Variants in PIGS observed in about 807,000 individuals in gnomAD.
PIGS encodes GPI-anchor transamidase component PIGS.
In PIGS, 37 loss-of-function variants were observed where a neutral mutation model predicts 58.2. The ratio of observed to expected loss-of-function variants is 0.64; its 90% CI spans 0.49 to 0.84. The LOEUF (loss-of-function observed/expected upper bound fraction) is 0.84. Ranked by LOEUF, PIGS falls within the 40% of genes least tolerant of loss-of-function variation. PIGS has a pLI of 0.00. For synonymous variants in PIGS, 269 were observed against 289.2 expected, an observed-to-expected ratio of 0.93 and a Z score of 0.71; for missense variants, 629 against 710.8, an observed-to-expected ratio of 0.88 and a Z score of 1.31.
In PIGS at chr17:28,571,092, G is replaced by C; in HGVS notation, c.131C>G (p.Ala44Gly). The C allele has an allele frequency of 6.2e-7, 1 of 1,614,106 alleles. No individual in the cohort carries two copies. Residue 44 changes from alanine to glycine, a missense_variant, in exon 2 of 12, where the codon GCC (alanine) becomes GGC (glycine). By Grantham distance (60) the Ala-to-Gly change is moderately conservative. Transcript: ENST00000308360. Reference protein sequence around the residue: ...LWWKTTETYRASLPYSQISGL... With the variant: ...LWWKTTETYRGSLPYSQISGL... ...ACTGATCTGGGAGTAAGGCAACGAG[G>C]CCCGGTAGGTCTCCGTGGTCTTCCA... is the stretch of plus-strand genomic sequence containing the variant.
intron 3 of PIGS, among the ~76,000 whole-genome samples, chr17:28,568,351 C>T (rs2070405625): frequency 6.6e-6 from 1 of 152,182 alleles, no homozygotes; most frequent in Admixed American, 6.5e-5. Flanking sequence ...GATCTGCCTG[C>T]CTCGGCCTCC....
chr17:28,569,657 G>A (rs542216647), intron 3 of PIGS, among the ~76,000 whole-genome samples: 3 of 152,014 alleles, frequency 2.0e-5, no homozygotes, highest in East Asian at 3.9e-4. Context: ...GATTCACCCC[G>A]CCACACTTTC....
chr17:28,569,910 T>C (rs1002476740), intron 3 of PIGS, among the ~76,000 whole-genome samples: 4 of 152,222 alleles, frequency 2.6e-5, no homozygotes, highest in Non-Finnish European at 5.9e-5. Context: ...GCTATCCTTA[T>C]ACTGTCTCAT....
chr17:28,568,700 T>C (rs1218750431), intron 3 of PIGS, among the ~76,000 whole-genome samples: 1 of 152,242 alleles, frequency 6.6e-6, no homozygotes, highest in Admixed American at 6.5e-5. Context: ...TATACCCATA[T>C]TACTGAACAC....
At chr17:28,557,064 G>A (rs2070335109) in intron 8 of PIGS, 92 bp from the exon 9 acceptor site, 1 of 1,371,306 alleles carries the variant, frequency 7.3e-7, no homozygotes. Flanking sequence ...ACTCACTCTG[G>A]GACTGATTCC....
chr17:28,561,799 T>G, intron 5 of PIGS, 170 bp from the exon 6 acceptor site: 1 of 635,434 alleles, frequency 1.6e-6, no homozygotes, highest in South Asian at 2.1e-5. Flanking sequence ...GAGTATATAT[T>G]GAGTATTTTC....
chr17:28,571,501 G>T lies in PIGS; in HGVS notation c.-5C>A. The T allele has an allele frequency of 6.2e-7, 1 of 1,604,108 alleles. No homozygotes were observed. Among genetic ancestry groups the T allele is most frequent in the East Asian group, 2.3e-5 (1 of 44,406 alleles). ...CGCAGCCCCGGCGGCCGCCATGCTA[G>T]CTTCCGGCTGCTCCGGCCACCGTGG... On this transcript the variant is annotated 5_prime_UTR_variant, in exon 1 of 12. Transcript: ENST00000308360.
chr17:28,567,778 A>C (rs975186803), intron 3 of PIGS, among the ~76,000 whole-genome samples: 2 of 152,128 alleles, frequency 1.3e-5, no homozygotes, highest in Non-Finnish European at 1.5e-5. Context: ...TTCTGGTTTT[A>C]TTTCATTTCC....
chr17:28,555,229 A>T, intron 10 of PIGS, 168 bp from the exon 11 acceptor site: 1 of 607,670 alleles, frequency 1.6e-6, no homozygotes, highest in Non-Finnish European at 2.8e-6. Flanking sequence ...GGGCAACACC[A>T]AACAAGTTGG....
chr17:28,568,355 G>A (rs1024476665), intron 3 of PIGS, among the ~76,000 whole-genome samples: 4 of 151,968 alleles, frequency 2.6e-5, no homozygotes, highest in Non-Finnish European at 4.4e-5. Context: ...TGCCTGCCTC[G>A]GCCTCCCAAA....
At position 28,558,558 on chromosome 17, in the gene PIGS, G is replaced by A. The variant is rs778518972; in HGVS notation, c.852C>T (p.Pro284=). The part of the protein sequence containing the change: ...ILYYAMLGVN[P]RFDSASSSYY... ...AGCTGGAGGAAGCTGAGTCAAAGCG[G>A]GGATTCACCCCCAACATTGCATAGT... Residue 284 remains proline (P), a synonymous_variant, in exon 8 of 12, where the codon CCC becomes CCT. Transcript: ENST00000308360. 12 of 1,612,846 alleles carry A rather than the reference G, an allele frequency of 7.4e-6. No individual in the cohort carries two copies. The highest frequency in any genetic ancestry group is 1.0e-5 in the Non-Finnish European group (12 of 1,179,594).
intron 7 of PIGS, among the ~76,000 whole-genome samples, chr17:28,559,566 T>C (rs970254480): frequency 6.6e-6 from 1 of 151,766 alleles, no homozygotes; most frequent in Admixed American, 6.6e-5. Flanking sequence ...CTGGGCATGG[T>C]GGCACGCACC....
intron 6 of PIGS, among the ~76,000 whole-genome samples, chr17:28,560,701 C>T (rs2070358381): frequency 2.0e-5 from 3 of 152,214 alleles, no homozygotes; most frequent in African/African-American, 4.8e-5. Flanking sequence ...TCGCTTGAAC[C>T]TGGGATGCGG....
intron 7 of PIGS, among the ~76,000 whole-genome samples, chr17:28,558,936 G>A (rs757181528): frequency 3.9e-5 from 6 of 152,112 alleles, no homozygotes; most frequent in Admixed American, 6.5e-5. Flanking sequence ...TTTCTCCCAC[G>A]TGTTTTCCCT....
chr17:28,556,745 G>A (rs1384822903), intron 9 of PIGS, 82 bp downstream of exon 9: 1 of 1,523,734 alleles, frequency 6.6e-7, no homozygotes, highest in East Asian at 2.3e-5. Flanking sequence ...ACACCAGAAG[G>A]AAAACAGAAG....
intron 11 of PIGS, 62 bp downstream of exon 11, chr17:28,554,789 C>T: frequency 2.5e-6 from 4 of 1,588,568 alleles, no homozygotes; most frequent in Non-Finnish European, 1.7e-6. Flanking sequence ...GGTCTCACCA[C>T]ACTCTGGCCC....
At chr17:28,557,098 C>A (rs2070335425) in intron 8 of PIGS, 126 bp from the exon 9 acceptor site, 2 of 1,027,266 alleles carry the variant, frequency 1.9e-6, no homozygotes, top group Non-Finnish European at 2.9e-6. Flanking sequence ...ATTAGGATAT[C>A]CTCCTGTCCA....
At chr17:28,566,501 G>A (rs2070395229) in intron 3 of PIGS, among the ~76,000 whole-genome samples, 3 of 151,696 alleles carry the variant, frequency 2.0e-5, no homozygotes, top group African/African-American at 7.3e-5. Flanking sequence ...ATGTTGAGCA[G>A]GCTGGTCTTG....
At chr17:28,560,770 G>T (rs1024174409) in intron 6 of PIGS, among the ~76,000 whole-genome samples, 35 of 150,978 alleles carry the variant, frequency 2.3e-4, no homozygotes, top group African/African-American at 8.3e-4. Flanking sequence ...AGGAGGCTCC[G>T]TCTCAAAAAA....
Sources: gnomAD v4.1 joint callset for allele counts (sites outside exome capture counted in the v4.1 genomes callset) on GRCh38, gnomAD v4.1.1 for gene constraint, MANE v1.5 for transcripts, NCBI Gene and HGNC (gene_info 2026-07-23, HGNC 2026-07-21) for gene names.